The following LRIG1 variants were observed in gnomAD, a reference collection of about 807,000 sequenced individuals.
The protein encoded by LRIG1 is leucine-rich repeats and immunoglobulin-like domains protein 1.
Under a neutral mutation model 99.2 loss-of-function variants are expected in LRIG1, and 48 were observed. The observed-to-expected ratio is 0.48, with a 90% CI of 0.38 to 0.62. The LOEUF is 0.62. LRIG1 is among the 20% of genes least tolerant of loss of function. The pLI is 0.00. For missense variants in LRIG1, 1,646 were observed against 1,434.4 expected, an observed-to-expected ratio of 1.15 and a Z score of -2.38; for synonymous variants, 772 against 596.1, an observed-to-expected ratio of 1.29 and a Z score of -4.30.
chr3:66,405,410 G>A (rs1369293753), intron 8 of LRIG1, 132 bp from the exon 9 acceptor site: 22 of 724,366 alleles, frequency 3.0e-5, no homozygotes, highest in Non-Finnish European at 4.9e-5. Flanking sequence ...CGGGACGTAG[G>A]GTGAAGAGAC....
chr3:66,476,573 C>T (rs1700727273), intron 1 of LRIG1, among the ~76,000 whole-genome samples: 1 of 152,172 alleles, frequency 6.6e-6, no homozygotes, highest in Non-Finnish European at 1.5e-5. Flanking sequence ...TTCCAAGATG[C>T]CACACTGCAG....
chr3:66,464,517 A>C (rs898310235), intron 1 of LRIG1, among the ~76,000 whole-genome samples: 1 of 151,304 alleles, frequency 6.6e-6, no homozygotes, highest in African/African-American at 2.4e-5. Flanking sequence ...AAAAAAAAAA[A>C]AAAACTGAAA....
chr3:66,386,884 T>A (rs1046409717), intron 12 of LRIG1: 1 of 152,228 alleles, frequency 6.6e-6, no homozygotes, highest in Non-Finnish European at 1.5e-5. Flanking sequence ...TTTGTGGTAT[T>A]TTAACTTATC....
chr3:66,401,659 C>A, intron 9 of LRIG1: 1 of 1,529,878 alleles, frequency 6.5e-7, no homozygotes, highest in East Asian at 2.5e-5. Flanking sequence ...AGCCAGCAGA[C>A]TGGGATGGCT....
chr3:66,467,057 G>A lies in LRIG1; in HGVS notation c.219-4548C>T, dbSNP rs984183959. Among the ~76,000 whole-genome samples, 5 of 152,116 alleles carry A rather than the reference G, an allele frequency of 3.3e-5. No homozygotes were observed. In the South Asian group the frequency reaches 6.2e-4, roughly 19 times the overall value. ...AAGATGACCGTTCAGCCCACCGTTCGCTGAACACACAAGAGGCACCTCTGC... is the reference window on the plus strand; with the variant it reads ...AAGATGACCGTTCAGCCCACCGTTCACTGAACACACAAGAGGCACCTCTGC... On this transcript the variant is annotated intron_variant, in intron 1 of 18. Transcript: ENST00000273261.
In LRIG1 at chr3:66,382,459, G is replaced by T; in HGVS notation, c.2492-61C>A. The T allele has an allele frequency of 2.5e-6, 4 of 1,594,784 alleles. No individual in the cohort carries two copies. The South Asian group carries it at 3.3e-5, about 13-fold the overall frequency. ...TCAGTGACAAGAAATGCAGACACAC[G>T]TTCACTGTCAAGCTCAGAAAGGGGA... On this transcript the variant is annotated intron_variant, in intron 15 of 18. Transcript: ENST00000273261.
chr3:66,480,065 C>T (rs1010042988), intron 1 of LRIG1, among the ~76,000 whole-genome samples: 1 of 152,204 alleles, frequency 6.6e-6, no homozygotes, highest in Admixed American at 6.5e-5. Context: ...AACAAAGTGT[C>T]CACCAACTGA....
At chr3:66,420,622 T>A (rs969261214) in intron 3 of LRIG1, among the ~76,000 whole-genome samples, 10 of 152,150 alleles carry the variant, frequency 6.6e-5, no homozygotes, top group Non-Finnish European at 1.5e-4. Context: ...AGAAAAGAAA[T>A]TCTAACACGT....
chr3:66,392,745 G>A (rs978139207), intron 12 of LRIG1, among the ~76,000 whole-genome samples: 4 of 152,184 alleles, frequency 2.6e-5, no homozygotes, highest in Non-Finnish European at 5.9e-5. Context: ...CAGAGGGAAA[G>A]CCTGCCCTAT....
At chr3:66,399,983 G>A (rs929417864) in intron 9 of LRIG1, among the ~76,000 whole-genome samples, 3 of 152,212 alleles carry the variant, frequency 2.0e-5, no homozygotes, top group Non-Finnish European at 4.4e-5. Flanking sequence ...AGGGCCTGCA[G>A]GAGATGCCCC....
chr3:66,417,348 C>T, intron 3 of LRIG1, 82 bp from the exon 4 acceptor site: 1 of 1,402,626 alleles, frequency 7.1e-7, no homozygotes, highest in Admixed American at 1.8e-5. Context: ...CACCCCACCC[C>T]CCACCAATAT....
chr3:66,381,192 G>A (rs9862888), intron 17 of LRIG1, among the ~76,000 whole-genome samples: 6,075 of 152,266 alleles, frequency 0.04, 401 homozygotes, highest in African/African-American at 0.14. Context: ...TAGCCCTGGT[G>A]AAAAAGTGCT....
intron 3 of LRIG1, among the ~76,000 whole-genome samples, chr3:66,443,164 G>A (rs1484064188): frequency 6.6e-6 from 1 of 151,988 alleles, no homozygotes. Flanking sequence ...TAAATTGGGT[G>A]TTTAATTTTC....
At chr3:66,482,042 C>T (rs1700863675) in intron 1 of LRIG1, among the ~76,000 whole-genome samples, 1 of 152,250 alleles carries the variant, frequency 6.6e-6, no homozygotes, top group South Asian at 2.1e-4. Flanking sequence ...CTAATCTGCG[C>T]TGATTCCTAC....
At position 66,398,108 on chromosome 3, in the gene LRIG1, T is replaced by A; in HGVS notation, c.1304+4A>T. The A allele has an allele frequency of 6.2e-7, 1 of 1,611,304 alleles. No homozygotes were observed. The highest frequency in any genetic ancestry group is 8.5e-7 in the Non-Finnish European group (1 of 1,177,478). On this transcript the variant is annotated splice_donor_region_variant and intron_variant, in intron 11 of 18. Coordinates refer to ENST00000273261, the MANE Select transcript of LRIG1 (RefSeq NM_015541.3). ...AATCAGACCCAGGGAATCCAGATAC[T>A]TACAGCTCTTTAAGATTCTTCATCT... is the stretch of plus-strand genomic sequence containing the variant.
At chr3:66,497,849 G>A (rs901837667) in intron 1 of LRIG1, among the ~76,000 whole-genome samples, 1 of 151,680 alleles carries the variant, frequency 6.6e-6, no homozygotes. Context: ...TCTAGACACC[G>A]TGGGCTTAGA....
chr3:66,405,084 C>T, intron 9 of LRIG1, 114 bp downstream of exon 9: 2 of 864,600 alleles, frequency 2.3e-6, no homozygotes, highest in Non-Finnish European at 3.7e-6. Context: ...CAAAAGCCAG[C>T]TCCTCTTCCG....
chr3:66,385,951 G>C (rs1356088446), intron 13 of LRIG1, 30 bp downstream of exon 13: 2 of 1,586,362 alleles, frequency 1.3e-6, no homozygotes, highest in East Asian at 2.2e-5. Flanking sequence ...GTAGGATTCT[G>C]GTACTATAAC....
At chr3:66,463,867 A>G (rs899400508) in intron 1 of LRIG1, among the ~76,000 whole-genome samples, 3 of 152,236 alleles carry the variant, frequency 2.0e-5, no homozygotes, top group African/African-American at 7.2e-5. Flanking sequence ...GTTCATCTAA[A>G]TAAAAGTCAA....
Sources: gnomAD v4.1 joint callset for allele counts (sites outside exome capture counted in the v4.1 genomes callset) on GRCh38, gnomAD v4.1.1 for gene constraint, MANE v1.5 for transcripts, NCBI Gene and HGNC (gene_info 2026-07-23, HGNC 2026-07-21) for gene names.